ADGRF3: variants seen among roughly 807,000 people sequenced by gnomAD.
The protein encoded by ADGRF3 is G protein-coupled receptor 113.
ADGRF3 carries 85 observed loss-of-function variants against 93.2 expected under a neutral mutation model. The observed-to-expected ratio is 0.91, with a 90% CI of 0.77 to 1.09. The LOEUF is 1.09. Among genes scored for constraint, ADGRF3 ranks in the 50% least tolerant of loss-of-function variants. ADGRF3 has a pLI of 0.00. For missense variants in ADGRF3, 1,125 were observed against 1,246.2 expected, an observed-to-expected ratio of 0.90 and a Z score of 1.46; for synonymous variants, 534 against 532.5, an observed-to-expected ratio of 1.00 and a Z score of -0.04.
chr2:26,345,817 C>G (rs572499281), intron 1 of ADGRF3: 32 of 402,246 alleles, frequency 8.0e-5, no homozygotes, highest in Non-Finnish European at 1.2e-4. Context: ...ATCCCACCTT[C>G]CCCCGGGACC....
chr2:26,339,022 G>A lies in ADGRF3; in HGVS notation c.114+7099C>T, dbSNP rs1313387832. On this transcript the variant is annotated intron_variant, in intron 1 of 13. Coordinates refer to ENST00000651242, the MANE Select transcript of ADGRF3 (RefSeq NM_001321971.2). ...GCACCTGTAGTCACAGGCTGAAGCAGAACAATTGCTTGAACCCAGGAGGCG... is the reference window on the plus strand; with the variant it reads ...GCACCTGTAGTCACAGGCTGAAGCAAAACAATTGCTTGAACCCAGGAGGCG... Among the ~76,000 whole-genome samples, 7 of 134,018 alleles carry A rather than the reference G, an allele frequency of 5.2e-5. No individual in the cohort carries two copies. The Admixed American group carries it at 6.3e-4, about 12-fold the overall frequency. 87.9% of individuals were successfully genotyped at this position (134,018 alleles called of 152,430 possible).
rs772268493 is a variant in ADGRF3 at position 26,316,453 on chromosome 2, C to T, written c.326-5G>A. On this transcript the variant is annotated splice_region_variant and splice_polypyrimidine_tract_variant and intron_variant, in intron 3 of 13. Transcript: ENST00000651242. ...CCTTGTGGTTGACATTACACTCTGA[C>T]AGAGAGAAGAGAAGAGGGGGTGGGC... 6.4e-7 allele frequency: 1 copy of T among 1,550,916 alleles called. No homozygotes were observed. The highest frequency in any genetic ancestry group is 1.4e-5 in the African/African-American group (1 of 73,130).
intron 1 of ADGRF3, among the ~76,000 whole-genome samples, chr2:26,341,833 G>A (rs1261556597): frequency 1.3e-5 from 2 of 152,054 alleles, no homozygotes; most frequent in Non-Finnish European, 2.9e-5. Flanking sequence ...CAGCGCTTTG[G>A]GAGGCTGAGG....
rs115199295 is a variant in ADGRF3 at position 26,342,142 on chromosome 2, T to C, written c.114+3979A>G. On this transcript the variant is annotated intron_variant, in intron 1 of 13. Coordinates refer to ENST00000651242, the MANE Select transcript of ADGRF3 (RefSeq NM_001321971.2). ...ACCATCAACTTGTAGAAGCATAGTG[T>C]AGTGGAAAATTATTCAACTAAAAGT... 3.3e-3 allele frequency among the ~76,000 whole-genome samples: 496 copies of C among 151,762 alleles called. 2 individuals carry two copies. The highest frequency in any genetic ancestry group is 5.6e-3 in the Non-Finnish European group (382 of 67,852).
In ADGRF3 at chr2:26,340,002, ACTTTCC is replaced by A. The variant is rs575343253; in HGVS notation, c.114+6113_114+6118del. Reference sequence around the variant, plus strand: ...GATTCCTTTGGATAGAAATCTGGCCACTTTCCCTTTACCAGTTTTGGTTAATCAAAT... The same window carrying A: ...GATTCCTTTGGATAGAAATCTGGCCACTTTACCAGTTTTGGTTAATCAAAT... On this transcript the variant is annotated intron_variant, in intron 1 of 13. Coordinates refer to ENST00000651242, the MANE Select transcript of ADGRF3 (RefSeq NM_001321971.2). 4.9e-4 allele frequency among the ~76,000 whole-genome samples: 75 copies of A among 152,312 alleles called. 1 individual carries two copies. Among genetic ancestry groups the A allele is most frequent in the Admixed American group, 4.8e-3 (74 of 15,294 alleles).
chr2:26,319,115 GTGTGCAGA>G lies in ADGRF3; in HGVS notation c.115-1561_115-1554del, dbSNP rs1674953429. On this transcript the variant is annotated intron_variant, in intron 1 of 13. Coordinates refer to ENST00000651242, the MANE Select transcript of ADGRF3 (RefSeq NM_001321971.2). ...TCCGCAAGGAAGAGCTGGCAGGGCA[GTGTGCAGA>G]TGGGATGGGAGGGAAGAGGGGAGGG... The G allele has an allele frequency of 2.0e-6, 3 of 1,487,892 alleles. No homozygotes were observed. In the East Asian group the frequency reaches 7.5e-5, roughly 37 times the overall value. 92.2% of individuals were successfully genotyped at this position (1,487,892 alleles called of 1,614,324 possible).
At chr2:26,317,236 C>A (rs141066850) in intron 2 of ADGRF3, among the ~76,000 whole-genome samples, 181 bp from the exon 3 acceptor site, 26 of 152,274 alleles carry the variant, frequency 1.7e-4, no homozygotes, top group African/African-American at 6.0e-4. Flanking sequence ...AGGCACTGTG[C>A]CTTCAGATAC....
intron 1 of ADGRF3, among the ~76,000 whole-genome samples, chr2:26,330,769 T>C (rs1274306050): frequency 6.6e-6 from 1 of 152,212 alleles, no homozygotes; most frequent in Non-Finnish European, 1.5e-5. Context: ...TGCCCATTTC[T>C]GGATTTGAGG....
At chr2:26,322,974 A>G (rs1228522475) in intron 1 of ADGRF3, among the ~76,000 whole-genome samples, 1 of 151,992 alleles carries the variant, frequency 6.6e-6, no homozygotes, top group African/African-American at 2.4e-5. Context: ...CGTCTCTACT[A>G]AAAATACAAA....
intron 1 of ADGRF3, among the ~76,000 whole-genome samples, chr2:26,328,021 A>T (rs1675539378): frequency 6.6e-6 from 1 of 152,144 alleles, no homozygotes; most frequent in African/African-American, 2.4e-5. Flanking sequence ...AAAAGTGGTC[A>T]TTATATTAGG....
chr2:26,332,810 T>C (rs1675841421), intron 1 of ADGRF3, among the ~76,000 whole-genome samples: 1 of 151,956 alleles, frequency 6.6e-6, no homozygotes. Flanking sequence ...AGAGACAGGG[T>C]CTCACTATGT....
intron 1 of ADGRF3, among the ~76,000 whole-genome samples, chr2:26,319,597 T>C (rs558012135): frequency 2.5e-4 from 21 of 85,512 alleles, no homozygotes; most frequent in Admixed American, 1.5e-3. Context: ...CTTCCTTCCT[T>C]CCTTCCTTCC....
Position 26,310,759 on chromosome 2 carries a change from A to G in ADGRF3, c.2765T>C (p.Leu922Pro), listed in dbSNP as rs140000649. Residue 922 changes from leucine (L) to proline (P), a missense_variant, in exon 10 of 14, where the codon CTG (leucine) becomes CCG (proline). By Grantham distance (98) the Leu-to-Pro change is moderately conservative. Transcript: ENST00000651242. ...GGAGACTTCCTCTAACAGAGTGGCC[A>G]GGCCCAGCCCCCAGGTGAGGCCAAA... ...PIFGLTWGLG[L>P]ATLLEEVSTV... 509 of 1,613,508 alleles carry G rather than the reference A, an allele frequency of 3.2e-4. 5 individuals carry two copies. The highest frequency in any genetic ancestry group is 1.7e-5 in the Admixed American group (1 of 59,922).
intron 10 of ADGRF3, 100 bp downstream of exon 10, chr2:26,310,592 T>C (rs1407925129): frequency 4.7e-6 from 6 of 1,275,200 alleles, no homozygotes; most frequent in Non-Finnish European, 6.5e-6. Context: ...CCTGAACCTA[T>C]GTTTCTTCTG....
chr2:26,318,556 T>C (rs141713872), intron 1 of ADGRF3, among the ~76,000 whole-genome samples: 4 of 152,340 alleles, frequency 2.6e-5, no homozygotes, highest in African/African-American at 9.6e-5. Flanking sequence ...TAGATATAGC[T>C]ATCTATTGAG....
intron 1 of ADGRF3, among the ~76,000 whole-genome samples, chr2:26,319,577 T>TCCTCCCTCCCTC (rs1675004103): frequency 2.1e-5 from 1 of 46,628 alleles, no homozygotes. Context: ...CTTCCTTCCT[T>TCCTCCCTCCCTC]CCTTCCTTCC....
At chr2:26,328,864 C>G (rs1675601200) in intron 1 of ADGRF3, among the ~76,000 whole-genome samples, 1 of 152,158 alleles carries the variant, frequency 6.6e-6, no homozygotes, top group African/African-American at 2.4e-5. Context: ...AGTTGACTGA[C>G]TTTTTTCTCT....
chr2:26,311,403 T>G lies in ADGRF3; in HGVS notation c.2121A>C (p.Gln707His), dbSNP rs138171124. 4 of 1,613,944 alleles carry G rather than the reference T, an allele frequency of 2.5e-6. No homozygotes were observed. The African/African-American group carries it at 5.3e-5, about 22-fold the overall frequency. ...PEEPALALLT[Q>H]VGLGASILAL... ...CCAGTATGGAAGCTCCCAAGCCCACTTGAGTCAGCAGCGCCAGAGCGGGTT... is the reference window on the plus strand; with the variant it reads ...CCAGTATGGAAGCTCCCAAGCCCACGTGAGTCAGCAGCGCCAGAGCGGGTT... Residue 707 changes from glutamine (Q) to histidine (H), a missense_variant, in exon 10 of 14, where the codon CAA (glutamine) becomes CAC (histidine). Transcript: ENST00000651242.
intron 2 of ADGRF3, 145 bp downstream of exon 2, chr2:26,317,351 T>A (rs1674791345): frequency 1.3e-6 from 1 of 766,364 alleles, no homozygotes. Context: ...GTCACAGACC[T>A]GTCCGACTGT....
Sources: allele counts gnomAD v4.1 joint callset (sites outside exome capture counted in the v4.1 genomes callset), GRCh38; gene constraint gnomAD v4.1.1; transcripts MANE v1.5; gene names NCBI Gene and HGNC (gene_info 2026-07-23, HGNC 2026-07-21).